Variants in BDKRB2 observed in about 807,000 individuals in gnomAD.
BDKRB2 encodes B2 bradykinin receptor.
Under a neutral mutation model 4.0 loss-of-function variants are expected in BDKRB2, and 6 were observed. That is an observed-to-expected ratio of 1.49 (90% CI 0.81 to 2.93). The LOEUF is 2.93. BDKRB2 is among the 30% of genes most tolerant of loss of function. The pLI, the probability that BDKRB2 is intolerant of heterozygous loss-of-function variation, is 0.00. For synonymous variants in BDKRB2, 225 were observed against 215.3 expected, an observed-to-expected ratio of 1.05 and a Z score of -0.40; for missense variants, 478 against 520.1, an observed-to-expected ratio of 0.92 and a Z score of 0.79.
At chr14:96,216,958 T>A (rs538479689) in intron 1 of BDKRB2, among the ~76,000 whole-genome samples, 8 of 152,162 alleles carry the variant, frequency 5.3e-5, no homozygotes, top group Admixed American at 1.3e-4. Context: ...GCTGTGGCAT[T>A]GAGTGGGGTA....
intron 1 of BDKRB2, among the ~76,000 whole-genome samples, chr14:96,213,416 C>T (rs148237863): frequency 1.1e-4 from 16 of 152,222 alleles, no homozygotes; most frequent in Admixed American, 1.0e-3. Flanking sequence ...GATGGTTTGT[C>T]CCTAAGCCTC....
rs1045389552 is a variant in BDKRB2, at chr14:96,238,773, C to T, written c.74+1592C>T. Reference sequence around the variant, plus strand: ...GACCCAGCTCTAGAGTCACCTCCAACCCCTTACCCACCAGCCCCCTCTCCA... The same window carrying T: ...GACCCAGCTCTAGAGTCACCTCCAATCCCTTACCCACCAGCCCCCTCTCCA... On this transcript the variant is annotated intron_variant, in intron 2 of 2. Coordinates refer to ENST00000554311, the MANE Select transcript of BDKRB2 (RefSeq NM_001379692.1). 23 of 985,788 alleles carry T rather than the reference C, an allele frequency of 2.3e-5. No individual in the cohort carries two copies. The South Asian group carries it at 8.5e-4, about 36-fold the overall frequency. The allele number at this position is 985,788 out of a possible 1,614,324, so 61.1% of individuals were successfully genotyped here.
In BDKRB2 at chr14:96,241,059, C is replaced by T. The variant is rs1239271323; in HGVS notation, c.731C>T (p.Thr244Met). The T allele has an allele frequency of 1.8e-5, 29 of 1,613,638 alleles. No homozygotes were observed. Among genetic ancestry groups the T allele is most frequent in the South Asian group, 2.2e-5 (2 of 91,056 alleles). Residue 244 changes from threonine (T) to methionine (M), a missense_variant, in exon 3 of 3, where the codon ACG (threonine) becomes ATG (methionine). Coordinates refer to ENST00000554311, the MANE Select transcript of BDKRB2 (RefSeq NM_001379692.1). ...LLPLSVITFC[T>M]MQIMQVLRNN... Reference sequence around the variant, plus strand: ...CCCCTGAGTGTCATCACCTTCTGCACGATGCAGATCATGCAGGTGCTGCGG... The same window carrying T: ...CCCCTGAGTGTCATCACCTTCTGCATGATGCAGATCATGCAGGTGCTGCGG...
intron 1 of BDKRB2, chr14:96,211,006 C>A (rs75059748): frequency 0.062 from 9,442 of 152,244 alleles, 386 homozygotes; most frequent in East Asian, 0.1. Context: ...AGGACAGAAA[C>A]CCTCCCCGAT....
chr14:96,234,096 CTT>C (rs1385106338), intron 1 of BDKRB2: 3 of 152,226 alleles, frequency 2.0e-5, no homozygotes, highest in Non-Finnish European at 4.4e-5. Context: ...CCCCGCCTGA[CTT>C]TATATTCCCA....
At position 96,217,892 on chromosome 14, in the gene BDKRB2, G is replaced by T. The variant is rs565682025; in HGVS notation, c.-40+12933G>T. ...CCAACCAGGTCTGCCTTACGCTTTT[G>T]ACCACAATCAACCCGGCTCTTTCTC... On this transcript the variant is annotated intron_variant, in intron 1 of 2. Transcript: ENST00000554311. Among the ~76,000 whole-genome samples the T allele has an allele frequency of 8.5e-5, 13 of 152,174 alleles. No individual in the cohort carries two copies. In the East Asian group the frequency reaches 2.1e-3, roughly 25 times the overall value.
chr14:96,235,347 CAAAAAAAAAAAA>C (rs60409238), intron 1 of BDKRB2, among the ~76,000 whole-genome samples: 13 of 67,228 alleles, frequency 1.9e-4, no homozygotes, highest in African/African-American at 6.8e-4. Context: ...GACTCCGTCT[CAAAAAAAAAAAA>C]AAAAAAAAAA....
Position 96,206,168 on chromosome 14 carries a change from T to A in BDKRB2, c.-40+1209T>A, listed in dbSNP as rs541632687. Among the ~76,000 whole-genome samples, 8 of 152,302 alleles carry A rather than the reference T, an allele frequency of 5.3e-5. No individual in the cohort carries two copies. In the East Asian group the frequency reaches 1.5e-3, roughly 29 times the overall value. ...GCAGCAGCAAGAGACATTCCACAGT[T>A]GTGAGCCCCACAAGCTTGGAGGAAG... is the stretch of plus-strand genomic sequence containing the variant. On this transcript the variant is annotated intron_variant, in intron 1 of 2. Transcript: ENST00000554311.
rs949292775 is a variant in BDKRB2, at chr14:96,242,612, C to T, written c.*1108C>T. 5 of 152,296 alleles carry T rather than the reference C, an allele frequency of 3.3e-5. No homozygotes were observed. Among genetic ancestry groups the T allele is most frequent in the Admixed American group, 3.3e-4 (5 of 15,286 alleles). The allele number at this position is 152,296 out of a possible 1,614,324, so 9.4% of individuals were successfully genotyped here. On this transcript the variant is annotated 3_prime_UTR_variant, in exon 3 of 3. Transcript: ENST00000554311. ...TCCCTTCCACCTGTCATTCCCACCACCCTGAGGCCCCAACCGCCACACACA... is the reference window on the plus strand; with the variant it reads ...TCCCTTCCACCTGTCATTCCCACCATCCTGAGGCCCCAACCGCCACACACA...
At chr14:96,219,136 T>C (rs1890496482) in intron 1 of BDKRB2, among the ~76,000 whole-genome samples, 1 of 151,618 alleles carries the variant, frequency 6.6e-6, no homozygotes, top group South Asian at 2.1e-4. Flanking sequence ...ACCCTGTCTC[T>C]ACTAAAAATA....
chr14:96,223,078 C>A (rs1323640726), intron 1 of BDKRB2: 4 of 1,003,102 alleles, frequency 4.0e-6, no homozygotes, highest in Admixed American at 1.9e-5. Context: ...GTTGGCGGCA[C>A]AGGGCTGAAG....
intron 2 of BDKRB2, chr14:96,237,719 C>T (rs897123629): frequency 7.8e-7 from 1 of 1,289,316 alleles, no homozygotes. Context: ...GCTGCAGGTG[C>T]TGCCTATGAT....
At chr14:96,236,556 G>A (rs759417820) in intron 1 of BDKRB2, among the ~76,000 whole-genome samples, 1 of 152,170 alleles carries the variant, frequency 6.6e-6, no homozygotes. Context: ...CTGGAATCCA[G>A]TCTCTCAGTC....
chr14:96,205,520 G>A (rs547592746), intron 1 of BDKRB2, among the ~76,000 whole-genome samples: 124 of 152,226 alleles, frequency 8.1e-4, no homozygotes, highest in African/African-American at 2.1e-3. Flanking sequence ...TGGCTGATGC[G>A]CCTCCAGGAG....
intron 1 of BDKRB2, among the ~76,000 whole-genome samples, chr14:96,215,998 C>T (rs185036298): frequency 4.6e-5 from 7 of 152,302 alleles, no homozygotes; most frequent in East Asian, 3.9e-4. Flanking sequence ...GCCACTGTTG[C>T]GTGCCCTCTG....
At chr14:96,224,557 A>T (rs1390983957) in intron 1 of BDKRB2, among the ~76,000 whole-genome samples, 1 of 152,204 alleles carries the variant, frequency 6.6e-6, no homozygotes, top group Non-Finnish European at 1.5e-5. Flanking sequence ...TTATTTACCA[A>T]GAGGTTAAGT....
chr14:96,207,197 C>A lies in BDKRB2; in HGVS notation c.-40+2238C>A, dbSNP rs148519556. 2.9e-3 allele frequency among the ~76,000 whole-genome samples: 438 copies of A among 152,282 alleles called. 2 individuals carry two copies. The highest frequency in any genetic ancestry group is 0.01 in the African/African-American group (421 of 41,558). ...GGGCCTTGTCTATCCGCTCAAGCTG[C>A]CTCCTCTGCACTGAAAACGATGCCT... On this transcript the variant is annotated intron_variant, in intron 1 of 2. Coordinates refer to ENST00000554311, the MANE Select transcript of BDKRB2 (RefSeq NM_001379692.1).
In BDKRB2 at chr14:96,219,559, GA is replaced by G. The variant is rs986424281; in HGVS notation, c.-40+14607del. 1.0e-3 allele frequency among the ~76,000 whole-genome samples: 151 copies of G among 149,066 alleles called. 1 individual carries two copies. The highest frequency in any genetic ancestry group is 3.4e-3 in the African/African-American group (138 of 40,296). On this transcript the variant is annotated intron_variant, in intron 1 of 2. Transcript: ENST00000554311. The stretch of plus-strand genomic sequence containing the variant: ...TAAATGGTTAACAACTGGCTCTCTG[GA>G]AAAAAATGCCCTAACTGTAGCAAAA...
chr14:96,234,253 T>C (rs1384966177), intron 1 of BDKRB2, among the ~76,000 whole-genome samples: 1 of 152,188 alleles, frequency 6.6e-6, no homozygotes, highest in Non-Finnish European at 1.5e-5. Context: ...CCTGGGTGCC[T>C]CAGGGCTGGT....
Sources: allele counts gnomAD v4.1 joint callset (sites outside exome capture counted in the v4.1 genomes callset), GRCh38; gene constraint gnomAD v4.1.1; transcripts MANE v1.5; gene names NCBI Gene and HGNC (gene_info 2026-07-23, HGNC 2026-07-21).